The following FRMD4A variants were observed in gnomAD, a reference collection of about 807,000 sequenced individuals.
The protein encoded by FRMD4A is FERM domain containing 4A, also known as FERM domain-containing protein 4A.
Under a neutral mutation model 129.1 loss-of-function variants are expected in FRMD4A, and 29 were observed. That is an observed-to-expected ratio of 0.22 (90% CI 0.17 to 0.31). The LOEUF (loss-of-function observed/expected upper bound fraction) is 0.31, where lower values mean the gene tolerates loss of function less well. FRMD4A is among the 10% of genes least tolerant of loss of function. The pLI, the probability that FRMD4A is intolerant of heterozygous loss-of-function variation, is 1.00. For missense variants in FRMD4A, 1,272 were observed against 1,375.8 expected (o/e 0.92, Z 1.19); for synonymous variants, 634 against 571.6 (o/e 1.11, Z -1.56).
intron 2 of FRMD4A, among the ~76,000 whole-genome samples, chr10:14,185,951 C>T (rs903816545): frequency 4.6e-5 from 7 of 152,078 alleles, no homozygotes; most frequent in African/African-American, 1.7e-4. Flanking sequence ...GAATGATGTG[C>T]ATCAGGTGAG....
chr10:13,929,356 C>T (rs985124029), intron 2 of FRMD4A, among the ~76,000 whole-genome samples: 5 of 152,182 alleles, frequency 3.3e-5, no homozygotes, highest in African/African-American at 1.2e-4. Context: ...GTACAGCGTG[C>T]TACCTGGACA....
At chr10:14,066,075 G>A (rs113443389) in intron 2 of FRMD4A, among the ~76,000 whole-genome samples, 2 of 150,280 alleles carry the variant, frequency 1.3e-5, no homozygotes, top group African/African-American at 4.9e-5. Context: ...GATAGAGAAT[G>A]GTGGTAGCTC....
chr10:13,925,332 C>T (rs111898755), intron 2 of FRMD4A, among the ~76,000 whole-genome samples: 1 of 152,178 alleles, frequency 6.6e-6, no homozygotes, highest in Admixed American at 6.5e-5. Flanking sequence ...ATCACCACTT[C>T]TATTATCAAT....
In FRMD4A at chr10:13,858,798, C is replaced by A. The variant is rs1353517115; in HGVS notation, c.111+49G>T. The A allele has an allele frequency of 2.9e-6, 3 of 1,050,914 alleles. No homozygotes were observed. In the Admixed American group the frequency reaches 5.1e-5, roughly 18 times the overall value. The allele number at this position is 1,050,914 out of a possible 1,614,324, so 65.1% of individuals were successfully genotyped here. ...TCCCCAGCTGGATCAAGGTCTGAAA[C>A]CACATCAGTCACCAAAGAAACTCAG... is the stretch of plus-strand genomic sequence containing the variant. On this transcript the variant is annotated intron_variant, in intron 3 of 24. Transcript: ENST00000357447.
intron 2 of FRMD4A, among the ~76,000 whole-genome samples, chr10:13,946,249 T>G (rs1425082789): frequency 6.6e-6 from 1 of 152,122 alleles, no homozygotes; most frequent in Non-Finnish European, 1.5e-5. Flanking sequence ...GGCAGATGCT[T>G]CCCTGAACGC....
intron 3 of FRMD4A, among the ~76,000 whole-genome samples, chr10:13,838,346 G>A (rs1391371314): frequency 2.0e-5 from 3 of 147,824 alleles, no homozygotes; most frequent in African/African-American, 7.5e-5. Context: ...CTCCTGCCTT[G>A]CCCTCCCAAT....
chr10:14,122,030 A>C (rs17154673), intron 2 of FRMD4A, among the ~76,000 whole-genome samples: 2 of 152,072 alleles, frequency 1.3e-5, no homozygotes, highest in Non-Finnish European at 2.9e-5. Context: ...TTACACTATT[A>C]GAAAGTGCAC....
At chr10:13,832,783 G>A (rs1160740083) in intron 3 of FRMD4A, among the ~76,000 whole-genome samples, 1 of 152,050 alleles carries the variant, frequency 6.6e-6, no homozygotes, top group Non-Finnish European at 1.5e-5. Flanking sequence ...GGGACTAGAG[G>A]TGAATGCCAC....
At chr10:14,185,665 C>T (rs1002192775) in intron 2 of FRMD4A, among the ~76,000 whole-genome samples, 2 of 151,988 alleles carry the variant, frequency 1.3e-5, no homozygotes, top group South Asian at 2.1e-4. Flanking sequence ...GTTAGCTGTG[C>T]AGATGAGCAG....
At chr10:13,793,925 T>C (rs192465925) in intron 5 of FRMD4A, among the ~76,000 whole-genome samples, 3 of 152,282 alleles carry the variant, frequency 2.0e-5, no homozygotes, top group Non-Finnish European at 2.9e-5. Flanking sequence ...GTTTTGTTAC[T>C]GCACTTCTTG....
At chr10:14,075,066 A>G (rs1278043891) in intron 2 of FRMD4A, among the ~76,000 whole-genome samples, 2 of 152,198 alleles carry the variant, frequency 1.3e-5, no homozygotes, top group African/African-American at 4.8e-5. Flanking sequence ...GGTAACTTGA[A>G]CCAGTTTCCA....
intron 2 of FRMD4A, among the ~76,000 whole-genome samples, chr10:14,159,546 T>G (rs1292755954): frequency 6.6e-6 from 1 of 152,204 alleles, no homozygotes; most frequent in African/African-American, 2.4e-5. Flanking sequence ...ATAATCATGA[T>G]GCTACTACCC....
chr10:14,185,609 A>C (rs11258927), intron 2 of FRMD4A, among the ~76,000 whole-genome samples: 2 of 140,040 alleles, frequency 1.4e-5, no homozygotes, highest in Non-Finnish European at 3.2e-5. Flanking sequence ...GTAGAGAGAC[A>C]GAAAGGGGAT....
chr10:14,163,012 C>A (rs1312022418), intron 2 of FRMD4A, among the ~76,000 whole-genome samples: 1 of 152,060 alleles, frequency 6.6e-6, no homozygotes, highest in African/African-American at 2.4e-5. Flanking sequence ...CACACACAGG[C>A]TAAATAGGAA....
chr10:13,818,246 C>T (rs2130897149), intron 3 of FRMD4A, among the ~76,000 whole-genome samples: 1 of 33,054 alleles, frequency 3.0e-5, no homozygotes, highest in South Asian at 1.4e-3. Flanking sequence ...CTCACTGCAG[C>T]CTCCAATCCT....
At chr10:14,047,271 G>A (rs780508647) in intron 2 of FRMD4A, among the ~76,000 whole-genome samples, 2 of 152,172 alleles carry the variant, frequency 1.3e-5, no homozygotes, top group Non-Finnish European at 2.9e-5. Context: ...AGAAGGTTAC[G>A]TGGGTGTGAT....
intron 6 of FRMD4A, among the ~76,000 whole-genome samples, chr10:13,764,908 C>T (rs572132251): frequency 6.6e-6 from 1 of 152,264 alleles, no homozygotes; most frequent in South Asian, 2.1e-4. Context: ...GCCTTAATGG[C>T]ACTTAAGGGG....
chr10:13,692,166 T>TTTTG (rs2085769518), intron 15 of FRMD4A: 1 of 82,766 alleles, frequency 1.2e-5, no homozygotes, highest in Non-Finnish European at 2.6e-5. Context: ...TTTTTTTTTT[T>TTTTG]GAGACAGAGT....
intron 2 of FRMD4A, among the ~76,000 whole-genome samples, chr10:14,118,221 T>C (rs1838302436): frequency 6.6e-6 from 1 of 152,224 alleles, no homozygotes. Flanking sequence ...ACCTTGGAGA[T>C]TCTGGCCTCT....
Sources: allele counts gnomAD v4.1 joint callset (sites outside exome capture counted in the v4.1 genomes callset), GRCh38; gene constraint gnomAD v4.1.1; transcripts MANE v1.5; gene names NCBI Gene and HGNC (gene_info 2026-07-23, HGNC 2026-07-21).